The following FSTL5 variants were observed in gnomAD, a reference collection of about 807,000 sequenced individuals.
The protein encoded by FSTL5 is follistatin like 5.
Under a neutral mutation model 89.1 loss-of-function variants are expected in FSTL5, and 62 were observed. That is an observed-to-expected ratio of 0.70 (90% CI 0.57 to 0.86). FSTL5 has a LOEUF of 0.86. Ranked by LOEUF, FSTL5 falls within the 40% of genes least tolerant of loss-of-function variation. FSTL5 has a pLI of 0.00. For synonymous variants in FSTL5, 383 were observed against 346.2 expected (o/e 1.11, Z -1.18); for missense variants, 1,057 against 1,001.6 (o/e 1.06, Z -0.75).
Position 161,618,048 on chromosome 4 carries a change from A to G in FSTL5, c.895-30473T>C, listed in dbSNP as rs374462315. 8.6e-5 allele frequency among the ~76,000 whole-genome samples: 13 copies of G among 151,916 alleles called. No homozygotes were observed. In the East Asian group the frequency reaches 2.1e-3, roughly 25 times the overall value. ...TGAAGAGGTCCTTCACGTCCCTTGT[A>G]AGTTGGATTCCTAGGTATTTTATTC... On this transcript the variant is annotated intron_variant, in intron 7 of 15. Transcript: ENST00000306100.
At chr4:162,081,562 A>G (rs1238774425) in intron 2 of FSTL5, among the ~76,000 whole-genome samples, 1 of 151,640 alleles carries the variant, frequency 6.6e-6, no homozygotes, top group Non-Finnish European at 1.5e-5. Context: ...GAAAGAGCTC[A>G]TGCTTTTGCC....
At chr4:161,565,604 G>A (rs139428472) in intron 8 of FSTL5, among the ~76,000 whole-genome samples, 78 of 151,586 alleles carry the variant, frequency 5.1e-4, no homozygotes, top group African/African-American at 1.7e-3. Context: ...CTGTTTGCCC[G>A]CCACTTAAAT....
intron 4 of FSTL5, among the ~76,000 whole-genome samples, chr4:161,830,176 C>G (rs1473735940): frequency 6.6e-6 from 1 of 151,922 alleles, no homozygotes; most frequent in Non-Finnish European, 1.5e-5. Context: ...TTATGGTATA[C>G]AAAACAATTG....
At chr4:162,077,630 C>A (rs1729920898) in intron 2 of FSTL5, among the ~76,000 whole-genome samples, 1 of 151,478 alleles carries the variant, frequency 6.6e-6, no homozygotes, top group Non-Finnish European at 1.5e-5. Flanking sequence ...CTCACTAAAA[C>A]CCAGAAGAAC....
At chr4:162,025,103 C>A (rs17537740) in intron 3 of FSTL5, among the ~76,000 whole-genome samples, 14,861 of 151,860 alleles carry the variant, frequency 0.098, 847 homozygotes, top group Non-Finnish European at 0.13. Flanking sequence ...GTGCTCCATG[C>A]ATCATGGTAA....
chr4:161,773,229 A>G (rs897951502), intron 5 of FSTL5, among the ~76,000 whole-genome samples: 1 of 152,194 alleles, frequency 6.6e-6, no homozygotes, highest in Non-Finnish European at 1.5e-5. Context: ...AAGTCCTGTA[A>G]CCATAAAAAT....
intron 2 of FSTL5, among the ~76,000 whole-genome samples, chr4:162,073,471 A>G (rs1362383412): frequency 6.6e-6 from 1 of 151,826 alleles, no homozygotes; most frequent in African/African-American, 2.4e-5. Context: ...AAAATATCAC[A>G]TATTTTGTGA....
chr4:161,759,622 C>T, intron 5 of FSTL5, 91 bp from the exon 6 acceptor site: 1 of 786,048 alleles, frequency 1.3e-6, no homozygotes, highest in Non-Finnish European at 1.8e-6. Context: ...CATAATAGTT[C>T]ATTTCATGTC....
intron 7 of FSTL5, among the ~76,000 whole-genome samples, chr4:161,598,187 C>T (rs2126620478): frequency 6.6e-6 from 1 of 152,138 alleles, no homozygotes; most frequent in East Asian, 1.9e-4. Flanking sequence ...CCAGCCTGGC[C>T]AACATGGCAG....
rs548264079 is a variant in FSTL5, at chr4:162,027,732, TA to T, written c.160+5892del. ...TGTATTGTTAAGTCAAGTATAAAGT[TA>T]AGTATTTTGAAATGTTTTAGATTCT... is the stretch of plus-strand genomic sequence containing the variant. On this transcript the variant is annotated intron_variant, in intron 3 of 15. Transcript: ENST00000306100. Among the ~76,000 whole-genome samples the T allele has an allele frequency of 5.2e-3, 786 of 152,250 alleles. 8 individuals carry two copies. The highest frequency in any genetic ancestry group is 9.1e-3 in the Non-Finnish European group (622 of 67,982).
At chr4:161,697,665 A>G (rs956542381) in intron 6 of FSTL5, among the ~76,000 whole-genome samples, 10 of 152,178 alleles carry the variant, frequency 6.6e-5, no homozygotes, top group African/African-American at 2.4e-4. Flanking sequence ...AATACTATTC[A>G]TCCATAAAAA....
chr4:162,071,824 T>A (rs557466166), intron 2 of FSTL5, among the ~76,000 whole-genome samples: 10 of 151,752 alleles, frequency 6.6e-5, no homozygotes, highest in African/African-American at 2.4e-4. Context: ...AAGCTAGAAA[T>A]CAATAATAAA....
At chr4:161,602,253 AAGAGAGAGAGAGAGAGAG>A (rs58991875) in intron 7 of FSTL5, among the ~76,000 whole-genome samples, 50 of 122,800 alleles carry the variant, frequency 4.1e-4, no homozygotes, top group Admixed American at 3.3e-4. Context: ...GAGGGAGAGA[AAGAGAGAGAGAGAGAGAG>A]AGAGAGAGAG....
intron 10 of FSTL5, among the ~76,000 whole-genome samples, chr4:161,519,270 T>C (rs1269410604): frequency 1.3e-5 from 2 of 152,162 alleles, no homozygotes; most frequent in African/African-American, 4.8e-5. Flanking sequence ...CTCATGCTTG[T>C]AATCCCAGCA....
chr4:161,608,954 A>G (rs1300263814), intron 7 of FSTL5, among the ~76,000 whole-genome samples: 1 of 152,066 alleles, frequency 6.6e-6, no homozygotes, highest in African/African-American at 2.4e-5. Flanking sequence ...TTCTGATATT[A>G]CATTAAATCT....
intron 4 of FSTL5, among the ~76,000 whole-genome samples, chr4:161,802,002 A>G (rs549245034): frequency 6.6e-6 from 1 of 151,834 alleles, no homozygotes; most frequent in Non-Finnish European, 1.5e-5. Context: ...AGTGGATAGA[A>G]TTATTCAGTC....
chr4:162,146,392 C>G (rs147981323), intron 1 of FSTL5, among the ~76,000 whole-genome samples: 1 of 152,236 alleles, frequency 6.6e-6, no homozygotes, highest in East Asian at 1.9e-4. Flanking sequence ...ACTGACATCA[C>G]TATATCTATA....
intron 11 of FSTL5, among the ~76,000 whole-genome samples, chr4:161,504,569 G>A (rs1730412830): frequency 6.6e-6 from 1 of 151,298 alleles, no homozygotes; most frequent in Admixed American, 6.6e-5. Flanking sequence ...AGAGTATAGT[G>A]ACTCTAGAAG....
intron 13 of FSTL5, among the ~76,000 whole-genome samples, chr4:161,460,394 C>G (rs570559312): frequency 4.5e-5 from 5 of 110,760 alleles, no homozygotes. Context: ...CCCCCTCCCC[C>G]CACCTCACAA....
Sources: allele counts gnomAD v4.1 joint callset (sites outside exome capture counted in the v4.1 genomes callset), GRCh38; gene constraint gnomAD v4.1.1; transcripts MANE v1.5; gene names NCBI Gene and HGNC (gene_info 2026-07-23, HGNC 2026-07-21).